The following GAREM1 variants were observed in gnomAD, a reference collection of about 807,000 sequenced individuals.
GAREM1 encodes the protein GRB2-associated and regulator of MAPK protein 1.
In GAREM1, 26 loss-of-function variants were observed where a neutral mutation model predicts 71.3. The observed-to-expected ratio is 0.36, with a 90% CI of 0.27 to 0.51. The LOEUF is 0.51. GAREM1 is among the 20% of genes least tolerant of loss of function. GAREM1 has a pLI of 0.95. For missense variants in GAREM1, 1,026 were observed against 1,103.1 expected, an observed-to-expected ratio of 0.93 and a Z score of 0.99; for synonymous variants, 440 against 433.2, an observed-to-expected ratio of 1.02 and a Z score of -0.20.
chr18:32,354,019 A>G (rs1196301140), intron 2 of GAREM1, among the ~76,000 whole-genome samples: 1 of 152,256 alleles, frequency 6.6e-6, no homozygotes, highest in Non-Finnish European at 1.5e-5. Flanking sequence ...ATTGATGAGT[A>G]TTAGTAAAAC....
intron 4 of GAREM1, among the ~76,000 whole-genome samples, chr18:32,271,611 T>C (rs1263364659): frequency 6.6e-6 from 1 of 152,188 alleles, no homozygotes; most frequent in East Asian, 1.9e-4. Context: ...TAGGTGATAC[T>C]GATGCTACCT....
intron 2 of GAREM1, among the ~76,000 whole-genome samples, chr18:32,363,654 G>A (rs561752899): frequency 4.6e-5 from 7 of 152,054 alleles, no homozygotes; most frequent in African/African-American, 7.2e-5. Context: ...ATTAGAAAAC[G>A]TTTAATGAGT....
At position 32,265,461 on chromosome 18, in the gene GAREM1, T is replaced by A. The variant is rs980722945; in HGVS notation, c.*2410A>T. 6.6e-6 allele frequency: 1 copy of A among 152,124 alleles called. No individual in the cohort carries two copies. The highest frequency in any genetic ancestry group is 6.5e-5 in the Admixed American group (1 of 15,274). The allele number at this position is 152,124 out of a possible 1,614,324, so 9.4% of individuals were successfully genotyped here. ...ACTTCACGTCTTTCTTACTCACACA[T>A]ACATACTCTTAGCAACTGAGATTTC... On this transcript the variant is annotated 3_prime_UTR_variant, in exon 6 of 6. Transcript: ENST00000269209.
At chr18:32,345,802 G>C (rs556690900) in intron 2 of GAREM1, among the ~76,000 whole-genome samples, 1 of 152,182 alleles carries the variant, frequency 6.6e-6, no homozygotes, top group Non-Finnish European at 1.5e-5. Context: ...AAAGGGTCCA[G>C]CTGGTCAAAA....
intron 1 of GAREM1, among the ~76,000 whole-genome samples, chr18:32,419,161 C>A (rs1308211855): frequency 6.6e-6 from 1 of 152,204 alleles, no homozygotes; most frequent in Non-Finnish European, 1.5e-5. Flanking sequence ...CCCTTCTCAG[C>A]ACCAGAAAAC....
chr18:32,290,819 A>G (rs1364184116), intron 3 of GAREM1, among the ~76,000 whole-genome samples: 1 of 152,190 alleles, frequency 6.6e-6, no homozygotes, highest in Admixed American at 6.6e-5. Context: ...TTAAAAATTC[A>G]GAAGCTTGAC....
At chr18:32,385,597 G>T (rs534619016) in intron 2 of GAREM1, among the ~76,000 whole-genome samples, 2 of 152,194 alleles carry the variant, frequency 1.3e-5, no homozygotes, top group African/African-American at 4.8e-5. Flanking sequence ...TTTTTTCCTA[G>T]AGTCAGAATA....
At chr18:32,436,422 G>T (rs1212062113) in intron 1 of GAREM1, among the ~76,000 whole-genome samples, 1 of 152,112 alleles carries the variant, frequency 6.6e-6, no homozygotes, top group African/African-American at 2.4e-5. Flanking sequence ...ACTACAAGAG[G>T]ACATATATTT....
Position 32,310,305 on chromosome 18 carries a change from T to A in GAREM1, c.281A>T (p.Glu94Val). 1 of 1,614,136 alleles carries A rather than the reference T, an allele frequency of 6.2e-7. No individual in the cohort carries two copies. The highest frequency in any genetic ancestry group is 8.5e-7 in the Non-Finnish European group (1 of 1,180,000). Residue 94 changes from glutamate to valine, a missense_variant, in exon 3 of 6, where the codon GAA becomes GTA. Glu to Val is a moderately radical substitution (Grantham distance 121). Coordinates refer to ENST00000269209, the MANE Select transcript of GAREM1 (RefSeq NM_001242409.2). ...VHYAGQFKLL[E>V]QDRDIKEPVQ... ...TGGCTCCTTTATATCTCGGTCTTGT[T>A]CCAGCAGCTTGAATTGCCCTAAAAC... is the stretch of plus-strand genomic sequence containing the variant.
rs942524290 is a variant in GAREM1 at position 32,363,148 on chromosome 18, T to TA, written c.262+29746dup. Among the ~76,000 whole-genome samples the TA allele has an allele frequency of 6.6e-5, 10 of 151,818 alleles. 1 individual carries two copies. Among genetic ancestry groups the TA allele is most frequent in the Admixed American group, 6.6e-4 (10 of 15,234 alleles). Reference sequence around the variant, plus strand: ...AAAACTGGATATACCAAAGTTTCCCTAGCGAATGTTACAGAAGTATACCAA... The same window carrying TA: ...AAAACTGGATATACCAAAGTTTCCCTAAGCGAATGTTACAGAAGTATACCAA... On this transcript the variant is annotated intron_variant, in intron 2 of 5. Coordinates refer to ENST00000269209, the MANE Select transcript of GAREM1 (RefSeq NM_001242409.2).
In GAREM1 at chr18:32,264,950, T is replaced by A. The variant is rs1044431625; in HGVS notation, c.*2921A>T. The A allele has an allele frequency of 6.6e-6, 1 of 152,258 alleles. No homozygotes were observed. 9.4% of individuals were successfully genotyped at this position (152,258 alleles called of 1,614,324 possible). A position where few individuals can be genotyped will look rare whatever the true frequency, so the allele number is the denominator to read the frequency against. ...AGGGGACCTGCCAGAGGAGATAAGA[T>A]GATAAGTCTTGACCTGGCTGGTTAG... On this transcript the variant is annotated 3_prime_UTR_variant, in exon 6 of 6. Coordinates refer to ENST00000269209, the MANE Select transcript of GAREM1 (RefSeq NM_001242409.2).
intron 2 of GAREM1, among the ~76,000 whole-genome samples, chr18:32,313,639 C>A (rs931619021): frequency 6.6e-6 from 1 of 152,088 alleles, no homozygotes; most frequent in Non-Finnish European, 1.5e-5. Context: ...AGGTAACTGA[C>A]AACGATGGGG....
intron 2 of GAREM1, among the ~76,000 whole-genome samples, chr18:32,363,406 T>C (rs1394680823): frequency 6.6e-6 from 1 of 152,218 alleles, no homozygotes; most frequent in East Asian, 1.9e-4. Flanking sequence ...GTCATAATTG[T>C]ATAGTTAACT....
intron 1 of GAREM1, among the ~76,000 whole-genome samples, chr18:32,418,780 G>A (rs1167854866): frequency 6.6e-6 from 1 of 152,148 alleles, no homozygotes; most frequent in Non-Finnish European, 1.5e-5. Flanking sequence ...GGCCACAGAT[G>A]GAAAACATAT....
intron 1 of GAREM1, among the ~76,000 whole-genome samples, chr18:32,424,750 A>G (rs1162521459): frequency 2.0e-5 from 3 of 152,364 alleles, no homozygotes; most frequent in Middle Eastern, 3.4e-3. Flanking sequence ...ACATATATAT[A>G]AATAGAACTT....
chr18:32,422,546 G>A (rs368500397), intron 1 of GAREM1, among the ~76,000 whole-genome samples: 1 of 152,182 alleles, frequency 6.6e-6, no homozygotes, highest in East Asian at 1.9e-4. Flanking sequence ...AGTTTCCTGT[G>A]TAACTGGCAT....
At chr18:32,401,076 CA>C (rs752975095) in intron 1 of GAREM1, among the ~76,000 whole-genome samples, 1 of 151,534 alleles carries the variant, frequency 6.6e-6, no homozygotes, top group African/African-American at 2.4e-5. Flanking sequence ...ATAGGAAGGA[CA>C]AAAAAACAAA....
chr18:32,468,960 T>TCCCCCCCCCCCCCCCCCCC (rs34977174), intron 1 of GAREM1, among the ~76,000 whole-genome samples: 40 of 82,154 alleles, frequency 4.9e-4, no homozygotes, highest in Non-Finnish European at 6.9e-4. Context: ...CACCTGTGCG[T>TCCCCCCCCCCCCCCCCCCC]CCCCCCCCCC....
chr18:32,360,894 T>C (rs1486097060), intron 2 of GAREM1, among the ~76,000 whole-genome samples: 2 of 152,218 alleles, frequency 1.3e-5, no homozygotes, highest in Non-Finnish European at 2.9e-5. Flanking sequence ...ACACCTGTGC[T>C]CAAGTTGCAC....
Sources: gnomAD v4.1 joint callset for allele counts (sites outside exome capture counted in the v4.1 genomes callset) on GRCh38, gnomAD v4.1.1 for gene constraint, MANE v1.5 for transcripts, NCBI Gene and HGNC (gene_info 2026-07-23, HGNC 2026-07-21) for gene names.